Variants in ZPBP observed in about 807,000 individuals in gnomAD.
The protein encoded by ZPBP is zona pellucida binding protein, also known as zona pellucida-binding protein 1.
Under a neutral mutation model 44.8 loss-of-function variants are expected in ZPBP, and 26 were observed. That is an observed-to-expected ratio of 0.58 (90% CI 0.43 to 0.81). The LOEUF (loss-of-function observed/expected upper bound fraction) is 0.81, where lower values mean the gene tolerates loss of function less well. Ranked by LOEUF, ZPBP falls within the 30% of genes least tolerant of loss-of-function variation. The probability of loss-of-function intolerance (pLI) is 0.00; values close to 1 mark genes in which losing one functional copy is unlikely to be tolerated. For synonymous variants in ZPBP, 174 were observed against 153.2 expected, an observed-to-expected ratio of 1.14 and a Z score of -1.00; for missense variants, 409 against 434.0, an observed-to-expected ratio of 0.94 and a Z score of 0.51.
At chr7:49,871,908 AACACACACACACACACACACAC>A (rs72332840) in intron 2 of ZPBP, among the ~76,000 whole-genome samples, 2,634 of 87,912 alleles carry the variant, frequency 0.03, 138 homozygotes, top group South Asian at 0.17. Context: ...TGTGTATATA[AACACACACACACACACACACAC>A]ACACACACAC....
intron 1 of ZPBP, among the ~76,000 whole-genome samples, chr7:49,906,637 A>C (rs948031457): frequency 3.3e-5 from 5 of 152,222 alleles, no homozygotes; most frequent in Non-Finnish European, 7.3e-5. Flanking sequence ...CACCCAGCCA[A>C]CTGTCAAAAA....
At chr7:49,898,904 C>G (rs57033478) in intron 2 of ZPBP, among the ~76,000 whole-genome samples, 1 of 151,694 alleles carries the variant, frequency 6.6e-6, no homozygotes, top group East Asian at 1.9e-4. Flanking sequence ...ATTAAAGCCA[C>G]AAAAAGCATA....
intron 7 of ZPBP, among the ~76,000 whole-genome samples, chr7:49,968,568 T>C (rs1302530405): frequency 6.6e-6 from 1 of 152,068 alleles, no homozygotes; most frequent in African/African-American, 2.4e-5. Context: ...AGATCTCTCA[T>C]AAATTACTGA....
intron 3 of ZPBP, among the ~76,000 whole-genome samples, chr7:50,070,089 A>G (rs1004306006): frequency 6.6e-6 from 1 of 151,946 alleles, no homozygotes; most frequent in African/African-American, 2.4e-5. Context: ...ACACACATAC[A>G]CACAACACTC....
At chr7:49,921,751 T>C (rs1794029017) in intron 1 of ZPBP, 1 of 151,798 alleles carries the variant, frequency 6.6e-6, no homozygotes, top group African/African-American at 2.4e-5. Context: ...AAAAATATTT[T>C]ATCCTCATGT....
At chr7:50,009,329 C>G (rs896392817) in intron 6 of ZPBP, among the ~76,000 whole-genome samples, 2 of 151,610 alleles carry the variant, frequency 1.3e-5, no homozygotes, top group African/African-American at 4.9e-5. Context: ...CTCAAACAGA[C>G]TGTGAGCACC....
intron 2 of ZPBP, among the ~76,000 whole-genome samples, chr7:49,861,084 C>G (rs771792004): frequency 6.6e-6 from 1 of 152,230 alleles, no homozygotes; most frequent in African/African-American, 2.4e-5. Flanking sequence ...GGTGTCTGCA[C>G]AGTTTTACAT....
chr7:49,865,250 C>T (rs1790829030), intron 2 of ZPBP, among the ~76,000 whole-genome samples: 1 of 152,096 alleles, frequency 6.6e-6, no homozygotes, highest in Admixed American at 6.6e-5. Flanking sequence ...TCTTGAGGAA[C>T]AGTGATGAAA....
At chr7:50,040,715 C>G (rs1240085181) in intron 4 of ZPBP, among the ~76,000 whole-genome samples, 1 of 152,156 alleles carries the variant, frequency 6.6e-6, no homozygotes, top group Non-Finnish European at 1.5e-5. Flanking sequence ...AGTTTCAAGC[C>G]CAAAACTTGG....
intron 1 of ZPBP, chr7:49,912,309 T>C: frequency 3.9e-6 from 4 of 1,026,966 alleles, no homozygotes; most frequent in Non-Finnish European, 5.5e-6. Flanking sequence ...AAATTGTTGG[T>C]ACTTTTCCTT....
At chr7:49,995,127 A>G (rs562485181) in intron 6 of ZPBP, among the ~76,000 whole-genome samples, 1 of 152,224 alleles carries the variant, frequency 6.6e-6, no homozygotes, top group Non-Finnish European at 1.5e-5. Context: ...CACATAAAAT[A>G]TCTTATCAAT....
At chr7:49,979,307 C>A (rs915242695) in intron 7 of ZPBP, among the ~76,000 whole-genome samples, 3 of 151,944 alleles carry the variant, frequency 2.0e-5, no homozygotes, top group East Asian at 1.9e-4. Flanking sequence ...CCTTAACAGT[C>A]TCTTGTTCCC....
intron 2 of ZPBP, among the ~76,000 whole-genome samples, chr7:49,890,266 T>C (rs1283276277): frequency 6.6e-6 from 1 of 152,344 alleles, no homozygotes; most frequent in East Asian, 1.9e-4. Context: ...TTTGAAATTC[T>C]ATTATATAAA....
Position 49,856,825 on chromosome 7 carries a change from C to T in ZPBP, n.510-6311G>A, listed in dbSNP as rs142541516. Reference sequence around the variant, plus strand: ...GAGATCGAGACCATCCTGGCTAACACGGTGAAACCCCATCTCTACTAAAAA... The same window carrying T: ...GAGATCGAGACCATCCTGGCTAACATGGTGAAACCCCATCTCTACTAAAAA... On this transcript the variant is annotated intron_variant and non_coding_transcript_variant, in intron 2 of 2. Transcript: ENST00000465922. 6.6e-3 allele frequency among the ~76,000 whole-genome samples: 994 copies of T among 151,750 alleles called. 8 individuals carry two copies. Among genetic ancestry groups the T allele is most frequent in the African/African-American group, 0.019 (770 of 41,400 alleles).
At chr7:49,942,284 C>T in intron 7 of ZPBP, 1 of 222,074 alleles carries the variant, frequency 4.5e-6, no homozygotes, top group Non-Finnish European at 8.9e-6. Context: ...CTGCTTCAGT[C>T]CCTCTGAGTC....
At chr7:49,852,199 C>CA (rs1790207649) in intron 2 of ZPBP, among the ~76,000 whole-genome samples, 1 of 152,234 alleles carries the variant, frequency 6.6e-6, no homozygotes, top group Non-Finnish European at 1.5e-5. Flanking sequence ...CCCTTACTAA[C>CA]ATGGCCTGCA....
chr7:49,943,516 G>C (rs1794975208), intron 7 of ZPBP: 1 of 404,592 alleles, frequency 2.5e-6, no homozygotes. Flanking sequence ...TTTCTTGTCA[G>C]TGTACAACTT....
rs1057357770 is a variant in ZPBP, at chr7:50,014,406, G to A, written c.783+3834C>T. The stretch of plus-strand genomic sequence containing the variant: ...CTGACAAAACAGAGAAGAGTGGAAC[G>A]AAAATGGTACACTTAAGAAATATAT... On this transcript the variant is annotated intron_variant, in intron 6 of 7. Transcript: ENST00000046087. Among the ~76,000 whole-genome samples, 11 of 150,796 alleles carry A rather than the reference G, an allele frequency of 7.3e-5. No individual in the cohort carries two copies. In the South Asian group the frequency reaches 8.3e-4, roughly 11 times the overall value.
At chr7:49,978,075 TTTTTTG>T (rs1250192782) in intron 7 of ZPBP, among the ~76,000 whole-genome samples, 1 of 111,972 alleles carries the variant, frequency 8.9e-6, no homozygotes, top group African/African-American at 4.1e-5. Flanking sequence ...TTGTTTTTGG[TTTTTTG>T]TTTTTTTTTT....
Sources: allele counts gnomAD v4.1 joint callset (sites outside exome capture counted in the v4.1 genomes callset), GRCh38; gene constraint gnomAD v4.1.1; transcripts MANE v1.5; gene names NCBI Gene and HGNC (gene_info 2026-07-23, HGNC 2026-07-21).